The following THAP6 variants were observed in gnomAD, a reference collection of about 807,000 sequenced individuals.
The protein encoded by THAP6 is THAP domain containing 6, also known as THAP domain-containing protein 6.
A neutral mutation model predicts 20.0 loss-of-function variants in THAP6; 13 were observed. The ratio of observed to expected loss-of-function variants is 0.65; its 90% CI spans 0.42 to 1.03. The LOEUF (loss-of-function observed/expected upper bound fraction) is 1.03, where lower values mean the gene tolerates loss of function less well. THAP6 is among the 50% of genes least tolerant of loss of function. The probability of loss-of-function intolerance (pLI) is 0.00; values close to 1 mark genes in which losing one functional copy is unlikely to be tolerated. For missense variants in THAP6, 262 were observed against 261.6 expected, an observed-to-expected ratio of 1.00 and a Z score of -0.01; for synonymous variants, 93 against 92.2, an observed-to-expected ratio of 1.01 and a Z score of -0.05.
Position 75,516,754 on chromosome 4 carries a change from T to C in THAP6, c.81-18T>C. On this transcript the variant is annotated intron_variant, in intron 2 of 4. Transcript: ENST00000311638. ...AATAGTATTTGATTTTAAAATATTT[T>C]TTGTATTTTTTTTCTAGATTCCCCA... is the stretch of plus-strand genomic sequence containing the variant. The C allele has an allele frequency of 6.2e-7, 1 of 1,601,658 alleles. No homozygotes were observed. The highest frequency in any genetic ancestry group is 8.5e-7 in the Non-Finnish European group (1 of 1,172,460).
At chr4:75,519,921 T>G (rs1725919756) in intron 3 of THAP6, among the ~76,000 whole-genome samples, 1 of 152,024 alleles carries the variant, frequency 6.6e-6, no homozygotes, top group South Asian at 2.1e-4. Context: ...TCCACAATGG[T>G]TGAACTAGTT....
At chr4:75,535,024 C>A (rs1433476659), downstream of THAP6, among the ~76,000 whole-genome samples, 2 of 152,162 alleles carry the variant, frequency 1.3e-5, no homozygotes, top group Admixed American at 6.5e-5. Context: ...ACTAGAAATA[C>A]CATTTGACCC....
chr4:75,526,727 C>T (rs907507584), intron 4 of THAP6, among the ~76,000 whole-genome samples: 6 of 152,178 alleles, frequency 3.9e-5, no homozygotes, highest in Non-Finnish European at 7.3e-5. Context: ...TGCTTCCCAT[C>T]CATAATATTC....
At chr4:75,522,077 G>T in intron 4 of THAP6, 4 of 473,140 alleles carry the variant, frequency 8.5e-6, no homozygotes, top group Non-Finnish European at 1.5e-5. Flanking sequence ...CACTGAAGAA[G>T]GCTTTTGCAA....
chr4:75,536,516 T>G (rs1390819988), intron 2 of THAP6, among the ~76,000 whole-genome samples: 1 of 152,066 alleles, frequency 6.6e-6, no homozygotes, highest in Non-Finnish European at 1.5e-5. Context: ...GTTACTTCAT[T>G]TTTAATTTAT....
chr4:75,514,776 G>T (rs1018041504), intron 1 of THAP6: 9 of 157,798 alleles, frequency 5.7e-5, no homozygotes, highest in Non-Finnish European at 1.3e-4. Context: ...GGACGCCAGG[G>T]TGCTCGCTGG....
chr4:75,527,981 A>C lies in THAP6; in HGVS notation c.*767A>C, dbSNP rs1450449730. 49 of 985,312 alleles carry C rather than the reference A, an allele frequency of 5.0e-5. No homozygotes were observed. Among genetic ancestry groups the C allele is most frequent in the Non-Finnish European group, 5.9e-5 (49 of 829,918 alleles). 61.0% of individuals were successfully genotyped at this position (985,312 alleles called of 1,614,324 possible). On this transcript the variant is annotated 3_prime_UTR_variant, in exon 5 of 5. Transcript: ENST00000311638. The stretch of plus-strand genomic sequence containing the variant: ...TTTGCTTCATGACTATTTCGTCATA[A>C]AGGTATATGTTTAAAATCTGAATGG...
downstream of THAP6, among the ~76,000 whole-genome samples, chr4:75,532,779 G>A (rs1282267142): frequency 1.3e-5 from 2 of 151,796 alleles, no homozygotes; most frequent in Non-Finnish European, 2.9e-5. Flanking sequence ...CTGAAGCCAC[G>A]GCCCAAGGTG....
upstream of THAP6, chr4:75,514,353 G>A: frequency 5.2e-6 from 8 of 1,541,304 alleles, no homozygotes; most frequent in Non-Finnish European, 7.1e-6. Flanking sequence ...CAGAGAAGCT[G>A]CGCCTCTCTA....
chr4:75,524,152 T>C (rs1040474947), intron 4 of THAP6, among the ~76,000 whole-genome samples: 1 of 152,214 alleles, frequency 6.6e-6, no homozygotes, highest in Non-Finnish European at 1.5e-5. Flanking sequence ...ATGGCATCTT[T>C]AACTTATCAC....
intron 3 of THAP6, among the ~76,000 whole-genome samples, chr4:75,519,364 C>T (rs1459150483): frequency 1.3e-5 from 2 of 149,396 alleles, no homozygotes; most frequent in African/African-American, 2.5e-5. Flanking sequence ...TTTTAGGGTA[C>T]ATGTGCACAT....
chr4:75,542,143 T>C (rs1727022988), intron 2 of THAP6, among the ~76,000 whole-genome samples: 2 of 152,122 alleles, frequency 1.3e-5, no homozygotes, highest in Admixed American at 1.3e-4. Flanking sequence ...CCCAACTATT[T>C]GAGATTTAAG....
chr4:75,516,573 G>A (rs1186888740), intron 2 of THAP6, among the ~76,000 whole-genome samples, 199 bp from the exon 3 acceptor site: 1 of 152,160 alleles, frequency 6.6e-6, no homozygotes, highest in African/African-American at 2.4e-5. Context: ...CCATATATCT[G>A]CAGCATGATT....
At chr4:75,537,499 C>G (rs1377410729) in intron 2 of THAP6, among the ~76,000 whole-genome samples, 2 of 152,080 alleles carry the variant, frequency 1.3e-5, no homozygotes, top group African/African-American at 2.4e-5. Context: ...TGCCACCATC[C>G]TCTTAAGATG....
chr4:75,516,664 A>G, intron 2 of THAP6, 108 bp from the exon 3 acceptor site: 1 of 862,164 alleles, frequency 1.2e-6, no homozygotes, highest in Non-Finnish European at 1.7e-6. Context: ...CTCAAGACTA[A>G]TAAACTAGTT....
At chr4:75,519,561 G>A (rs1243560637) in intron 3 of THAP6, among the ~76,000 whole-genome samples, 1 of 148,000 alleles carries the variant, frequency 6.8e-6, no homozygotes, top group Non-Finnish European at 1.5e-5. Flanking sequence ...TCCCACCTGT[G>A]AGTGAGAATA....
At chr4:75,546,364 C>T (rs1297201632) in intron 3 of THAP6, among the ~76,000 whole-genome samples, 3 of 152,344 alleles carry the variant, frequency 2.0e-5, no homozygotes, top group African/African-American at 7.2e-5. Context: ...CAGTTCAGTG[C>T]TCACACAGCA....
At chr4:75,533,887 A>C (rs1429181788), downstream of THAP6, among the ~76,000 whole-genome samples, 2 of 151,952 alleles carry the variant, frequency 1.3e-5, no homozygotes, top group African/African-American at 4.8e-5. Context: ...CATTATGTAT[A>C]TATCCTAATG....
In THAP6 at chr4:75,515,450, A is replaced by G; in HGVS notation, c.-3A>G. 6.2e-7 allele frequency: 1 copy of G among 1,613,434 alleles called. No individual in the cohort carries two copies. Among genetic ancestry groups the G allele is most frequent in the East Asian group, 2.2e-5 (1 of 44,858 alleles). ...TCTTTCAGTTTTGTTATGAGTTGCT[A>G]AAATGGTGAAATGCTGCTCCGCCAT... On this transcript the variant is annotated 5_prime_UTR_variant, in exon 2 of 5. It removes the in-frame stop codon of an upstream open reading frame in the 5' UTR. Transcript: ENST00000311638.
Sources: gnomAD v4.1 joint callset for allele counts (sites outside exome capture counted in the v4.1 genomes callset) on GRCh38, gnomAD v4.1.1 for gene constraint, MANE v1.5 for transcripts, NCBI Gene and HGNC (gene_info 2026-07-23, HGNC 2026-07-21) for gene names.